NAALADL2: variants seen among roughly 807,000 people sequenced by gnomAD.
NAALADL2 encodes the protein inactive N-acetylated-alpha-linked acidic dipeptidase-like protein 2.
In NAALADL2, 76 loss-of-function variants were observed where a neutral mutation model predicts 87.2. That is an observed-to-expected ratio of 0.87 (90% confidence interval 0.72 to 1.05). NAALADL2 has a LOEUF of 1.05. Ranked by LOEUF, NAALADL2 falls within the 50% of genes least tolerant of loss-of-function variation. NAALADL2 has a pLI of 0.00. For synonymous variants in NAALADL2, 354 were observed against 331.0 expected (o/e 1.07, Z -0.75); for missense variants, 1,089 against 945.8 (o/e 1.15, Z -1.99).
intron 2 of NAALADL2, among the ~76,000 whole-genome samples, chr3:174,625,955 T>A (rs1721529838): frequency 6.6e-6 from 1 of 152,118 alleles, no homozygotes. Flanking sequence ...TTTTATCATT[T>A]ATGCTTTTAC....
At chr3:174,472,288 A>G (rs1716953001) in intron 1 of NAALADL2, among the ~76,000 whole-genome samples, 1 of 152,220 alleles carries the variant, frequency 6.6e-6, no homozygotes, top group Admixed American at 6.5e-5. Context: ...GATAGAACTA[A>G]ATAGGAATTG....
intron 2 of NAALADL2, among the ~76,000 whole-genome samples, chr3:174,704,669 T>A (rs1169361713): frequency 6.6e-6 from 1 of 151,568 alleles, no homozygotes; most frequent in African/African-American, 2.4e-5. Flanking sequence ...TACAGGCAGA[T>A]ACATACCATG....
Position 175,805,603 on chromosome 3 carries a change from C to A in NAALADL2, c.*2400C>A, listed in dbSNP as rs1437114987. ...TTTCACTCCCCTCCCCTCCCCACCC[C>A]CAATAGATTCAAATAAATAAAATCC... On this transcript the variant is annotated 3_prime_UTR_variant, in exon 14 of 14. Transcript: ENST00000454872. 6.6e-6 allele frequency: 1 copy of A among 151,708 alleles called. No individual in the cohort carries two copies. Among genetic ancestry groups the A allele is most frequent in the Admixed American group, 6.6e-5 (1 of 15,148 alleles). 9.4% of individuals were successfully genotyped at this position (151,708 alleles called of 1,614,324 possible). A position where few individuals can be genotyped will look rare whatever the true frequency, so the allele number is the denominator to read the frequency against.
At chr3:175,700,314 A>G (rs1192901003) in intron 11 of NAALADL2, among the ~76,000 whole-genome samples, 2 of 152,158 alleles carry the variant, frequency 1.3e-5, no homozygotes, top group Non-Finnish European at 2.9e-5. Flanking sequence ...CTGATAGGAT[A>G]TGAGTTTTTC....
rs1424508729 is a variant in NAALADL2, at chr3:175,803,582, G to T, written c.*379G>T. ...TATTCTCTCTGATAGAGCTATTAAT[G>T]ACTTAGTTTCTGTAAAAGAAATGGA... On this transcript the variant is annotated 3_prime_UTR_variant, in exon 14 of 14. Transcript: ENST00000454872. The T allele has an allele frequency of 6.4e-6, 1 of 155,134 alleles. No homozygotes were observed. The highest frequency in any genetic ancestry group is 1.4e-5 in the Non-Finnish European group (1 of 69,900). 9.6% of individuals were successfully genotyped at this position (155,134 alleles called of 1,614,324 possible).
intron 2 of NAALADL2, among the ~76,000 whole-genome samples, chr3:174,574,371 C>T (rs1463386034): frequency 6.6e-6 from 1 of 151,974 alleles, no homozygotes; most frequent in East Asian, 1.9e-4. Context: ...GCCTCAGCTG[C>T]TCTTTCTGGA....
intron 3 of NAALADL2, among the ~76,000 whole-genome samples, chr3:174,776,235 T>G (rs768231927): frequency 2.0e-5 from 3 of 152,092 alleles, no homozygotes; most frequent in Non-Finnish European, 2.9e-5. Context: ...AACAATACTC[T>G]AAGAAGTTCT....
chr3:174,672,633 A>G (rs776370585), intron 2 of NAALADL2, among the ~76,000 whole-genome samples: 1 of 152,120 alleles, frequency 6.6e-6, no homozygotes, highest in Non-Finnish European at 1.5e-5. Flanking sequence ...GTCAGGGAGC[A>G]CAGTTTTATA....
At chr3:175,030,998 T>C (rs1035823024) in intron 1 of NAALADL2, among the ~76,000 whole-genome samples, 107 of 152,184 alleles carry the variant, frequency 7.0e-4, no homozygotes, top group African/African-American at 2.4e-3. Context: ...GTGATATTAA[T>C]GACTTCTAAA....
chr3:175,439,720 G>GT, intron 5 of NAALADL2, among the ~76,000 whole-genome samples: 1 of 140,708 alleles, frequency 7.1e-6, no homozygotes, highest in African/African-American at 2.7e-5. Context: ...TTGTGTTTGT[G>GT]GTTTTTTTTT....
At chr3:175,195,082 T>C (rs991688573) in intron 2 of NAALADL2, among the ~76,000 whole-genome samples, 22 of 151,710 alleles carry the variant, frequency 1.5e-4, no homozygotes, top group Non-Finnish European at 2.5e-4. Context: ...TGAATATGCA[T>C]ATGACCAGGT....
intron 1 of NAALADL2, among the ~76,000 whole-genome samples, chr3:175,073,449 C>T (rs1037652177): frequency 2.0e-5 from 3 of 152,016 alleles, no homozygotes; most frequent in African/African-American, 7.2e-5. Context: ...GTCATGTAGA[C>T]AGTGTAATTC....
At chr3:175,013,455 C>T (rs188328103) in intron 1 of NAALADL2, among the ~76,000 whole-genome samples, 65 of 149,394 alleles carry the variant, frequency 4.4e-4, no homozygotes, top group South Asian at 6.3e-4. Context: ...TGCACCACCA[C>T]GCCCAGCTAA....
intron 11 of NAALADL2, among the ~76,000 whole-genome samples, chr3:175,646,295 C>G (rs1194183567): frequency 1.4e-4 from 22 of 151,764 alleles, no homozygotes; most frequent in Admixed American, 1.4e-3. Context: ...AATATTTAAA[C>G]AATAAGAACA....
intron 3 of NAALADL2, among the ~76,000 whole-genome samples, chr3:174,748,126 A>C (rs549673480): frequency 6.6e-6 from 1 of 151,890 alleles, no homozygotes; most frequent in African/African-American, 2.4e-5. Flanking sequence ...ACACATAGAC[A>C]CAGGGAGGGG....
chr3:175,634,011 T>G (rs1378873588), intron 11 of NAALADL2, among the ~76,000 whole-genome samples: 3 of 151,814 alleles, frequency 2.0e-5, no homozygotes, highest in African/African-American at 7.2e-5. Context: ...AGAAAATATT[T>G]GTGTAAAGCC....
intron 3 of NAALADL2, among the ~76,000 whole-genome samples, chr3:174,756,359 G>T (rs570977440): frequency 6.6e-6 from 1 of 152,266 alleles, no homozygotes; most frequent in Admixed American, 6.5e-5. Context: ...TCTGCTGAGT[G>T]TCTGGACTTC....
chr3:175,091,329 A>G (rs1435323758), intron 1 of NAALADL2, among the ~76,000 whole-genome samples: 1 of 152,140 alleles, frequency 6.6e-6, no homozygotes, highest in Non-Finnish European at 1.5e-5. Context: ...CCTCAAATCA[A>G]TCCACTCAAA....
chr3:174,529,888 A>G (rs1331761943), intron 1 of NAALADL2, among the ~76,000 whole-genome samples: 2 of 151,724 alleles, frequency 1.3e-5, no homozygotes, highest in African/African-American at 2.4e-5. Context: ...TTCTTCCCCA[A>G]CTTCCAGGCC....
Sources: allele counts gnomAD v4.1 joint callset (sites outside exome capture counted in the v4.1 genomes callset), GRCh38; gene constraint gnomAD v4.1.1; transcripts MANE v1.5; gene names NCBI Gene and HGNC (gene_info 2026-07-23, HGNC 2026-07-21).